The following KIAA1614 variants were observed in gnomAD, a reference collection of about 807,000 sequenced individuals.
KIAA1614 encodes the protein KIAA1614, also known as uncharacterized protein KIAA1614.
In KIAA1614, 76 loss-of-function variants were observed where a neutral mutation model predicts 88.7. That is an observed-to-expected ratio of 0.86 (90% CI 0.71 to 1.04). The LOEUF (loss-of-function observed/expected upper bound fraction) is 1.04. KIAA1614 is among the 50% of genes least tolerant of loss of function. KIAA1614 has a pLI of 0.00. For missense variants in KIAA1614, 1,553 were observed against 1,582.5 expected (o/e 0.98, Z 0.32); for synonymous variants, 714 against 675.5 (o/e 1.06, Z -0.88).
Position 180,916,593 on chromosome 1 carries a change from G to T in KIAA1614, c.490G>T (p.Asp164Tyr), listed in dbSNP as rs1385858077. 1.4e-5 allele frequency: 22 copies of T among 1,606,152 alleles called. No homozygotes were observed. The highest frequency in any genetic ancestry group is 1.8e-5 in the Non-Finnish European group (21 of 1,175,344). The part of the protein sequence containing the change: ...GSINEEQPAR[D>Y]GGPRLPRPPA... ...CATCAATGAGGAGCAACCCGCCAGGGATGGAGGCCCCAGGCTTCCCAGGCC... is the reference window on the plus strand; with the variant it reads ...CATCAATGAGGAGCAACCCGCCAGGTATGGAGGCCCCAGGCTTCCCAGGCC... The change falls in exon 2 of 9, where the codon GAT (aspartate) becomes TAT (tyrosine). Residue 164 changes from aspartate to tyrosine, a missense_variant. Physicochemically the swap from Asp to Tyr is radical, Grantham distance 160. Coordinates refer to ENST00000367588, the MANE Select transcript of KIAA1614 (RefSeq NM_020950.2).
At position 180,935,556 on chromosome 1, in the gene KIAA1614, C is replaced by T; in HGVS notation, c.1647C>T (p.Ala549=). 6.3e-7 allele frequency: 1 copy of T among 1,599,204 alleles called. No individual in the cohort carries two copies. The highest frequency in any genetic ancestry group is 1.1e-5 in the South Asian group (1 of 89,700). The change falls in exon 5 of 9, where the codon GCC becomes GCT. Residue 549 remains alanine, a synonymous_variant. Coordinates refer to ENST00000367588, the MANE Select transcript of KIAA1614 (RefSeq NM_020950.2). The surrounding 1 kb of genome is among the most constrained non-coding windows in gnomAD (Gnocchi z 6.1). ...GCTGCATCGACGACCCGCGCCCCGC[C>T]CAGGGGAAGGCGCCCCCCGTCCCCA... The part of the protein sequence containing the change: ...CGSCIDDPRP[A]QGKAPPVPRT...
intron 3 of KIAA1614, among the ~76,000 whole-genome samples, chr1:180,920,713 G>A (rs1020085138): frequency 2.2e-5 from 3 of 137,436 alleles, no homozygotes; most frequent in Non-Finnish European, 1.6e-5. Context: ...GGCTGGGGGC[G>A]GGCTGGGGGC....
At position 180,951,204 on chromosome 1, in the gene KIAA1614, AAACAAC is replaced by A. The variant is rs145551157; in HGVS notation, c.*5631_*5636del. The stretch of plus-strand genomic sequence containing the variant: ...AAAATTTTTTTATACATAAAGTTGA[AAACAAC>A]AACAACAACAACAAAGACCAATTTC... On this transcript the variant is annotated 3_prime_UTR_variant, in exon 9 of 9. Coordinates refer to ENST00000367588, the MANE Select transcript of KIAA1614 (RefSeq NM_020950.2). 34,104 of 151,942 alleles carry A rather than the reference AAACAAC, an allele frequency of 0.22. 4,332 individuals carry two copies. The highest frequency in any genetic ancestry group is 0.29 in the Non-Finnish European group (19,803 of 67,882). 9.4% of individuals were successfully genotyped at this position (151,942 alleles called of 1,614,324 possible). A position where few individuals can be genotyped will look rare whatever the true frequency, so the allele number is the denominator to read the frequency against.
At chr1:180,926,226 C>A (rs1654064331) in intron 3 of KIAA1614, among the ~76,000 whole-genome samples, 3 of 152,166 alleles carry the variant, frequency 2.0e-5, no homozygotes, top group Admixed American at 1.3e-4. Context: ...ACAGACTCAG[C>A]ACCCACCCCA....
At chr1:180,936,741 T>G (rs1353612826) in intron 5 of KIAA1614, 71 bp downstream of exon 5, 1 of 1,019,634 alleles carries the variant, frequency 9.8e-7, no homozygotes, top group Non-Finnish European at 1.4e-6. Flanking sequence ...CCAGACCCAA[T>G]CCATGACACA....
At chr1:180,917,233 A>G in intron 2 of KIAA1614, 133 bp downstream of exon 2, 1 of 687,364 alleles carries the variant, frequency 1.5e-6, no homozygotes, top group East Asian at 2.7e-5. Flanking sequence ...GCCTGTCATC[A>G]AAATCATCAG....
chr1:180,925,674 G>A (rs1214819714), intron 3 of KIAA1614, among the ~76,000 whole-genome samples: 1 of 152,242 alleles, frequency 6.6e-6, no homozygotes, highest in Non-Finnish European at 1.5e-5. Flanking sequence ...GAAACTGGCC[G>A]AGACGGGAGT....
rs556417949 is a variant in KIAA1614 at position 180,950,428 on chromosome 1, C to T, written c.*4840C>T. 343 of 1,208,828 alleles carry T rather than the reference C, an allele frequency of 2.8e-4. 1 individual carries two copies. The highest frequency in any genetic ancestry group is 6.2e-4 in the East Asian group (8 of 12,890). The allele number at this position is 1,208,828 out of a possible 1,614,324, so 74.9% of individuals were successfully genotyped here. ...TGGGCGATGAGATCCTCGAGGTGAA[C>T]GGGGCCAAGGTGGCAGGGCTGGGCT... is the stretch of plus-strand genomic sequence containing the variant. On this transcript the variant is annotated 3_prime_UTR_variant, in exon 9 of 9. Transcript: ENST00000367588.
At position 180,916,174 on chromosome 1, in the gene KIAA1614, G is replaced by A. The variant is rs746570602; in HGVS notation, c.71G>A (p.Gly24Glu). The change falls in exon 2 of 9, where the codon GGA becomes GAA. Residue 24 changes from glycine to glutamate, a missense_variant. By Grantham distance (98) the Gly-to-Glu change is moderately conservative. Coordinates refer to ENST00000367588, the MANE Select transcript of KIAA1614 (RefSeq NM_020950.2). ...GSPQGPKTGSGTASPVEGTSA... is the reference protein window; with the variant it reads ...GSPQGPKTGSETASPVEGTSA... ...TCCAGAGGGCCCAAGACAGGGAGTG[G>A]AACAGCCAGCCCCGTGGAGGGGACC... 6.4e-7 allele frequency: 1 copy of A among 1,572,594 alleles called. No homozygotes were observed. Among genetic ancestry groups the A allele is most frequent in the Non-Finnish European group, 8.6e-7 (1 of 1,159,396 alleles).
At chr1:180,933,072 T>C (rs1185984333) in intron 4 of KIAA1614, among the ~76,000 whole-genome samples, 2 of 152,332 alleles carry the variant, frequency 1.3e-5, no homozygotes, top group East Asian at 3.9e-4. Flanking sequence ...AATTTCGTTC[T>C]GGAGCAGTGC....
intron 6 of KIAA1614, 40 bp from the exon 7 acceptor site, chr1:180,941,005 G>GGGGC: frequency 3.4e-5 from 3 of 87,410 alleles, no homozygotes; most frequent in Non-Finnish European, 5.8e-5. Context: ...CCACCCTCCC[G>GGGGC]GCCCTCCCCC....
rs1267365621 is a variant in KIAA1614, at chr1:180,917,833, T to C, written c.998-18T>C. The C allele has an allele frequency of 1.2e-6, 2 of 1,612,196 alleles. No homozygotes were observed. Among genetic ancestry groups the C allele is most frequent in the African/African-American group, 2.7e-5 (2 of 75,016 alleles). The stretch of plus-strand genomic sequence containing the variant: ...TTTCTGGCTCTGTCCTGATCTCTGC[T>C]TCTGTTCTGGATCCTAGAGCGACCA... On this transcript the variant is annotated intron_variant, in intron 2 of 8. Transcript: ENST00000367588.
chr1:180,936,531 G>C lies in KIAA1614; in HGVS notation c.2622G>C (p.Leu874=). 2 of 1,614,058 alleles carry C rather than the reference G, an allele frequency of 1.2e-6. No individual in the cohort carries two copies. Among genetic ancestry groups the C allele is most frequent in the Non-Finnish European group, 1.7e-6 (2 of 1,179,998 alleles). Residue 874 remains leucine, a synonymous_variant, in exon 5 of 9, where the codon CTG becomes CTC. Transcript: ENST00000367588. ...PSRPQVRHPL[L]ALSTNNCNNS... ...GCCCTCAGGTCAGGCACCCACTGCT[G>C]GCCCTGTCCACCAACAACTGCAACA...
rs74133670 is a variant in KIAA1614, at chr1:180,921,844, A to C, written c.1061+3930A>C. On this transcript the variant is annotated intron_variant, in intron 3 of 8. Coordinates refer to ENST00000367588, the MANE Select transcript of KIAA1614 (RefSeq NM_020950.2). ...GGACTCATAAGAGAGAAGTGGGAGG[A>C]CATTGAAATAGGGGGCCGCGCTCAG... is the stretch of plus-strand genomic sequence containing the variant. Among the ~76,000 whole-genome samples the C allele has an allele frequency of 5.8e-3, 885 of 152,314 alleles. 11 individuals carry two copies. The highest frequency in any genetic ancestry group is 0.02 in the African/African-American group (832 of 41,566).
chr1:180,923,924 C>T (rs909686644), intron 3 of KIAA1614, among the ~76,000 whole-genome samples: 1 of 151,842 alleles, frequency 6.6e-6, no homozygotes, highest in East Asian at 1.9e-4. Context: ...CTGATATACA[C>T]GCACAAAGGA....
chr1:180,945,576 G>A lies in KIAA1614; in HGVS notation c.3561G>A (p.Leu1187=). 1 of 1,611,292 alleles carries A rather than the reference G, an allele frequency of 6.2e-7. No homozygotes were observed. Among genetic ancestry groups the A allele is most frequent in the Non-Finnish European group, 8.5e-7 (1 of 1,179,266 alleles). Residue 1187 remains leucine, a synonymous_variant, in exon 9 of 9, where the codon CTG becomes CTA. Coordinates refer to ENST00000367588, the MANE Select transcript of KIAA1614 (RefSeq NM_020950.2). ...TCTGGCTGTGGTCAGAGGCTTTTCT[G>A]GTCTTTGGCTGAGCCGTGCAGCTCT... The part of the protein sequence containing the change: ...RAFWLWSEAF[L]VFG
chr1:180,941,183 C>G lies in KIAA1614; in HGVS notation c.3057C>G (p.Pro1019=), dbSNP rs377232686. 176 of 1,613,754 alleles carry G rather than the reference C, an allele frequency of 1.1e-4. No individual in the cohort carries two copies. Among genetic ancestry groups the G allele is most frequent in the Non-Finnish European group, 1.5e-4 (174 of 1,179,970 alleles). Residue 1019 remains proline (P), a synonymous_variant, in exon 7 of 9, where the codon CCC becomes CCG. Transcript: ENST00000367588. ...CAGCCCTGGGCCAGAGTTCCCGGCC[C>G]AAGCTGGGCAAGTCCCGCAGCTACA... ...LFSALGQSSR[P]KLGKSRSYSV... is the part of the protein sequence containing the mutation.
intron 3 of KIAA1614, among the ~76,000 whole-genome samples, chr1:180,924,379 G>A (rs1304666587): frequency 2.0e-5 from 3 of 152,190 alleles, no homozygotes; most frequent in African/African-American, 4.8e-5. Context: ...CTCACCAAAG[G>A]GGCAGCCCAA....
intron 3 of KIAA1614, among the ~76,000 whole-genome samples, chr1:180,921,150 G>T (rs1013061947): frequency 3.5e-5 from 5 of 144,926 alleles, no homozygotes; most frequent in Non-Finnish European, 6.0e-5. Flanking sequence ...GGGTGGGGCC[G>T]TTTTATAGGA....
Sources: gnomAD v4.1 joint callset for allele counts (sites outside exome capture counted in the v4.1 genomes callset) on GRCh38, gnomAD v4.1.1 for gene constraint, Gnocchi (gnomAD v3.1) non-coding constraint, MANE v1.5 for transcripts, NCBI Gene and HGNC (gene_info 2026-07-23, HGNC 2026-07-21) for gene names.